The following OSBPL8 variants were observed in gnomAD, a reference collection of about 807,000 sequenced individuals.
OSBPL8 encodes the protein oxysterol binding protein like 8.
In OSBPL8, 59 loss-of-function variants were observed where a neutral mutation model predicts 125.5. The ratio of observed to expected loss-of-function variants is 0.47; its 90% CI spans 0.38 to 0.58. The LOEUF is 0.58. Ranked by LOEUF, OSBPL8 falls within the 20% of genes least tolerant of loss-of-function variation. The probability of loss-of-function intolerance (pLI) is 0.00; values close to 1 mark genes in which losing one functional copy is unlikely to be tolerated. For missense variants in OSBPL8, 758 were observed against 1,047.8 expected, an observed-to-expected ratio of 0.72 and a Z score of 3.82; for synonymous variants, 330 against 338.9, an observed-to-expected ratio of 0.97 and a Z score of 0.29.
chr12:76,360,838 G>C (rs1443475443), intron 21 of OSBPL8, among the ~76,000 whole-genome samples: 1 of 152,184 alleles, frequency 6.6e-6, no homozygotes, highest in Non-Finnish European at 1.5e-5. Context: ...GGCTGAAGCG[G>C]CTGGGACGTA....
chr12:76,495,765 A>T (rs1173489308), intron 1 of OSBPL8, among the ~76,000 whole-genome samples: 1 of 152,216 alleles, frequency 6.6e-6, no homozygotes, highest in Non-Finnish European at 1.5e-5. Flanking sequence ...CTGTCTAGGC[A>T]AGGTTCATCT....
intron 4 of OSBPL8, among the ~76,000 whole-genome samples, chr12:76,448,789 C>T (rs902942820): frequency 2.6e-5 from 4 of 152,046 alleles, no homozygotes; most frequent in Non-Finnish European, 4.4e-5. Context: ...CCAAGGTGGG[C>T]GGATCACAAG....
intron 2 of OSBPL8, among the ~76,000 whole-genome samples, chr12:76,469,092 T>G (rs926618984): frequency 6.6e-6 from 1 of 152,182 alleles, no homozygotes; most frequent in Non-Finnish European, 1.5e-5. Context: ...CTGTCCTCTC[T>G]TAGTTTCCAA....
In OSBPL8 at chr12:76,384,333, T is replaced by A. The variant is rs1482291946; in HGVS notation, c.1551A>T (p.Pro517=). ...GATTACTAACATAAAAGGCAGATATTGGTGGATGATGGGACACCTATTAAA... is the reference window on the plus strand; with the variant it reads ...GATTACTAACATAAAAGGCAGATATAGGTGGATGATGGGACACCTATTAAA... ...YIAEQVSHHP[P]ISAFYVSNRK... Residue 517 remains proline (P), a synonymous_variant, in exon 15 of 24, where the codon CCA becomes CCT. Transcript: ENST00000261183. 2.6e-6 allele frequency: 4 copies of A among 1,549,040 alleles called. No individual in the cohort carries two copies. The Admixed American group carries it at 6.8e-5, about 26-fold the overall frequency.
intron 4 of OSBPL8, among the ~76,000 whole-genome samples, chr12:76,443,507 G>A (rs989989932): frequency 6.6e-6 from 1 of 152,006 alleles, no homozygotes; most frequent in Non-Finnish European, 1.5e-5. Flanking sequence ...CTACATTTCT[G>A]TCTTCTTTTT....
Position 76,475,664 on chromosome 12 carries a change from T to C in OSBPL8, c.42+11846A>G, listed in dbSNP as rs148456275. Among the ~76,000 whole-genome samples, 1,256 of 152,238 alleles carry C rather than the reference T, an allele frequency of 8.3e-3. 9 individuals carry two copies. Among genetic ancestry groups the C allele is most frequent in the Non-Finnish European group, 0.012 (821 of 68,010 alleles). ...CTTTTGCAAGTAAGAACTGAATTAC[T>C]AGTGAGGTAACAAGTCCCCACCCGA... On this transcript the variant is annotated intron_variant, in intron 2 of 23. Coordinates refer to ENST00000261183, the MANE Select transcript of OSBPL8 (RefSeq NM_020841.5).
At chr12:76,503,973 T>C (rs891454326) in intron 1 of OSBPL8, among the ~76,000 whole-genome samples, 3 of 152,044 alleles carry the variant, frequency 2.0e-5, no homozygotes, top group African/African-American at 7.3e-5. Context: ...TCAGTATAGA[T>C]GTTGCTGTGA....
intron 1 of OSBPL8, among the ~76,000 whole-genome samples, chr12:76,511,651 A>G (rs758926414): frequency 2.6e-5 from 4 of 152,210 alleles, no homozygotes; most frequent in Non-Finnish European, 5.9e-5. Context: ...TAGTTAGCAA[A>G]TATTTTCTCC....
intron 4 of OSBPL8, among the ~76,000 whole-genome samples, chr12:76,440,723 G>T (rs567303632): frequency 6.6e-6 from 1 of 152,040 alleles, no homozygotes; most frequent in Non-Finnish European, 1.5e-5. Flanking sequence ...AACTAAGTAC[G>T]TTACCCTTCA....
intron 1 of OSBPL8, chr12:76,536,857 G>A (rs766177429): frequency 1.3e-5 from 2 of 148,992 alleles, no homozygotes; most frequent in South Asian, 2.1e-4. Flanking sequence ...CCCATCTGAC[G>A]CGAACACTCA....
At chr12:76,358,251 T>G (rs1329695364) in intron 22 of OSBPL8, among the ~76,000 whole-genome samples, 1 of 142,004 alleles carries the variant, frequency 7.0e-6, no homozygotes, top group African/African-American at 2.6e-5. Flanking sequence ...GTGATCTCGG[T>G]TCAGTGCATC....
chr12:76,355,811 A>G lies in OSBPL8; in HGVS notation c.*78T>C, dbSNP rs1041027070. ...TTTTCGGAATATTGTGATTTTTAAT[A>G]AAGACCAAACCAACTTGAACACTGG... On this transcript the variant is annotated 3_prime_UTR_variant, in exon 24 of 24. Transcript: ENST00000261183. The G allele has an allele frequency of 4.2e-5, 63 of 1,482,792 alleles. 1 individual carries two copies. The highest frequency in any genetic ancestry group is 3.2e-4 in the South Asian group (24 of 76,008). 91.9% of individuals were successfully genotyped at this position (1,482,792 alleles called of 1,614,324 possible). A position where few individuals can be genotyped will look rare whatever the true frequency, so the allele number is the denominator to read the frequency against.
At chr12:76,504,508 C>A (rs1014644016) in intron 1 of OSBPL8, among the ~76,000 whole-genome samples, 3 of 152,100 alleles carry the variant, frequency 2.0e-5, no homozygotes, top group African/African-American at 7.2e-5. Flanking sequence ...GAGACATAAA[C>A]CAGACCACTC....
At chr12:76,509,505 T>A (rs1565955398) in intron 1 of OSBPL8, among the ~76,000 whole-genome samples, 1 of 152,224 alleles carries the variant, frequency 6.6e-6, no homozygotes, top group Non-Finnish European at 1.5e-5. Context: ...AGTGAATTGC[T>A]TGATTAAAGC....
intron 4 of OSBPL8, 87 bp downstream of exon 4, chr12:76,450,764 T>C (rs1052732065): frequency 4.5e-6 from 6 of 1,330,390 alleles, no homozygotes; most frequent in Non-Finnish European, 6.1e-6. Context: ...AAAAAAAATA[T>C]GATAGTCCCC....
chr12:76,403,886 C>T (rs142437100), intron 5 of OSBPL8, among the ~76,000 whole-genome samples: 1 of 151,976 alleles, frequency 6.6e-6, no homozygotes, highest in African/African-American at 2.4e-5. Context: ...GTGTATCACC[C>T]GAAGAAAAGA....
chr12:76,550,198 T>C (rs965394163), intron 1 of OSBPL8, among the ~76,000 whole-genome samples: 18 of 152,182 alleles, frequency 1.2e-4, no homozygotes, highest in Non-Finnish European at 2.5e-4. Flanking sequence ...ATTCAAAAAC[T>C]TTTTTAATTC....
chr12:76,461,481 C>T (rs1270070058), intron 2 of OSBPL8, among the ~76,000 whole-genome samples: 19 of 152,204 alleles, frequency 1.2e-4, no homozygotes, highest in Non-Finnish European at 1.5e-5. Flanking sequence ...GGTAGAGTCT[C>T]GCTCTGTTGC....
chr12:76,495,647 C>T (rs1046698984), intron 1 of OSBPL8, among the ~76,000 whole-genome samples: 1 of 151,368 alleles, frequency 6.6e-6, no homozygotes, highest in East Asian at 1.9e-4. Flanking sequence ...GACAATGACA[C>T]CTACTCTACA....
Sources: allele counts gnomAD v4.1 joint callset (sites outside exome capture counted in the v4.1 genomes callset), GRCh38; gene constraint gnomAD v4.1.1; transcripts MANE v1.5; gene names NCBI Gene and HGNC (gene_info 2026-07-23, HGNC 2026-07-21).